The following BBX variants were observed in gnomAD, a reference collection of about 807,000 sequenced individuals.
BBX encodes the protein BBX high mobility group box domain containing, also known as HMG box transcription factor BBX.
A neutral mutation model predicts 100.2 loss-of-function variants in BBX; 30 were observed. That is an observed-to-expected ratio of 0.30 (90% CI 0.22 to 0.41). The LOEUF (loss-of-function observed/expected upper bound fraction) is 0.41, where lower values mean the gene tolerates loss of function less well. Among genes scored for constraint, BBX ranks in the 10% least tolerant of loss-of-function variants. The pLI is 1.00. For synonymous variants in BBX, 376 were observed against 388.1 expected (o/e 0.97, Z 0.37); for missense variants, 1,023 against 1,129.8 (o/e 0.91, Z 1.35).
At chr3:107,551,679 T>G (rs865828617) in intron 2 of BBX, among the ~76,000 whole-genome samples, 2 of 152,216 alleles carry the variant, frequency 1.3e-5, no homozygotes, top group Non-Finnish European at 2.9e-5. Context: ...GATGTGAGTA[T>G]CCTGTGCCAG....
intron 8 of BBX, among the ~76,000 whole-genome samples, chr3:107,747,759 C>T (rs1576617148): frequency 6.6e-6 from 1 of 151,772 alleles, no homozygotes. Flanking sequence ...GAGCCATACT[C>T]AGTCTTTGTT....
chr3:107,748,972 G>A (rs1309313004), intron 9 of BBX, among the ~76,000 whole-genome samples: 1 of 151,260 alleles, frequency 6.6e-6, no homozygotes, highest in Non-Finnish European at 1.5e-5. Context: ...TTGAAAATGA[G>A]AAAAAAATAC....
chr3:107,772,733 A>G lies in BBX; in HGVS notation c.1012A>G (p.Lys338Glu), dbSNP rs1359532627. The G allele has an allele frequency of 6.2e-7, 1 of 1,612,270 alleles. No individual in the cohort carries two copies. Among genetic ancestry groups the G allele is most frequent in the African/African-American group, 1.3e-5 (1 of 74,878 alleles). ...AGAATTAGAGAAGGGAAAGGAAGAA[A>G]AAGAAATTAAAATGGAGAAAACAGA... Reference protein sequence around the residue: ...IKELEKGKEEKEIKMEKTDET... With the variant: ...IKELEKGKEEEEIKMEKTDET... The change falls in exon 11 of 18, where the codon AAA becomes GAA. Residue 338 changes from lysine to glutamate, a missense_variant. Around this residue, in one of 9 missense-constraint regions of BBX, gnomAD observed 348 missense variants for 353.2 expected, o/e 0.99. Transcript: ENST00000325805.
chr3:107,583,110 A>C (rs1297863076), intron 2 of BBX, among the ~76,000 whole-genome samples: 1 of 151,918 alleles, frequency 6.6e-6, no homozygotes, highest in East Asian at 1.9e-4. Flanking sequence ...AAAAATCAAC[A>C]TATGAAGTTT....
chr3:107,801,115 C>A lies in BBX; in HGVS notation c.2572C>A (p.Leu858Met). The A allele has an allele frequency of 1.9e-6, 3 of 1,614,140 alleles. No homozygotes were observed. Among genetic ancestry groups the A allele is most frequent in the Non-Finnish European group, 2.5e-6 (3 of 1,179,986 alleles). Reference sequence around the variant, plus strand: ...TACAGATGACAAACCAAAGGAACAACTGCAGAGGAGTCTCCCTAAAGCAAC... The same window carrying A: ...TACAGATGACAAACCAAAGGAACAAATGCAGAGGAGTCTCCCTAAAGCAAC... Reference protein sequence around the residue: ...GTLDDKPKEQLQRSLPKATET... With the variant: ...GTLDDKPKEQMQRSLPKATET... The change falls in exon 17 of 18, where the codon CTG becomes ATG. Residue 858 changes from leucine to methionine, a missense_variant. Coordinates refer to ENST00000325805, the MANE Select transcript of BBX (RefSeq NM_001142568.3).
chr3:107,679,219 G>A (rs942250181), intron 3 of BBX, among the ~76,000 whole-genome samples: 2 of 151,116 alleles, frequency 1.3e-5, no homozygotes, highest in Admixed American at 6.6e-5. Flanking sequence ...ATATAAGATC[G>A]CAAGTTGTAA....
intron 2 of BBX, among the ~76,000 whole-genome samples, chr3:107,607,198 G>T (rs1436037437): frequency 6.6e-6 from 1 of 152,060 alleles, no homozygotes; most frequent in African/African-American, 2.4e-5. Context: ...CTGGGTTCAG[G>T]CAATTCTCCT....
rs1275576927 is a variant in BBX at position 107,805,269 on chromosome 3, C to G, written c.2739-101C>G. The G allele has an allele frequency of 2.4e-6, 3 of 1,250,190 alleles. No individual in the cohort carries two copies. In the African/African-American group the frequency reaches 4.5e-5, roughly 19 times the overall value. The allele number at this position is 1,250,190 out of a possible 1,614,324, so 77.4% of individuals were successfully genotyped here. On this transcript the variant is annotated intron_variant, in intron 17 of 17. Coordinates refer to ENST00000325805, the MANE Select transcript of BBX (RefSeq NM_001142568.3). ...TAAATGATGTAAGTAACAGCAGTAA[C>G]TGTTAAACAAGATATTGGAACACAC...
intron 3 of BBX, among the ~76,000 whole-genome samples, chr3:107,704,883 G>A (rs2061302224): frequency 1.3e-5 from 2 of 152,172 alleles, no homozygotes; most frequent in African/African-American, 4.8e-5. Context: ...TTGACTTAGG[G>A]CTTTCAGATA....
chr3:107,690,385 G>GT (rs1388874774), intron 3 of BBX, among the ~76,000 whole-genome samples: 6 of 152,108 alleles, frequency 3.9e-5, no homozygotes, highest in Non-Finnish European at 5.9e-5. Flanking sequence ...GAAAGGCTTG[G>GT]TTAGACACTT....
chr3:107,696,035 C>T (rs370769173), intron 3 of BBX, among the ~76,000 whole-genome samples: 3 of 151,360 alleles, frequency 2.0e-5, no homozygotes, highest in Non-Finnish European at 2.9e-5. Flanking sequence ...CTTTTTTTGT[C>T]TTCCATTGGC....
intron 2 of BBX, among the ~76,000 whole-genome samples, chr3:107,587,336 C>A (rs535464530): frequency 7.2e-6 from 1 of 138,610 alleles, no homozygotes; most frequent in African/African-American, 2.7e-5. Context: ...GACTGAGAGA[C>A]CCTGTCTCCA....
At chr3:107,550,909 T>C (rs1006625361) in intron 2 of BBX, among the ~76,000 whole-genome samples, 4 of 152,204 alleles carry the variant, frequency 2.6e-5, no homozygotes, top group East Asian at 3.8e-4. Flanking sequence ...CTAAAGTAAG[T>C]ACTTCAACTG....
chr3:107,712,320 C>T (rs2061776798), intron 4 of BBX, among the ~76,000 whole-genome samples: 1 of 152,190 alleles, frequency 6.6e-6, no homozygotes, highest in Admixed American at 6.5e-5. Context: ...CTTCTGAACT[C>T]TGGACTCATA....
intron 2 of BBX, among the ~76,000 whole-genome samples, chr3:107,629,492 C>G (rs1285401653): frequency 1.3e-5 from 2 of 152,228 alleles, no homozygotes; most frequent in South Asian, 2.1e-4. Flanking sequence ...ACTGGGCAGC[C>G]TCACAGAGGA....
At chr3:107,652,506 A>G (rs1438685541) in intron 3 of BBX, among the ~76,000 whole-genome samples, 1 of 152,194 alleles carries the variant, frequency 6.6e-6, no homozygotes, top group African/African-American at 2.4e-5. Flanking sequence ...TATTTATGAA[A>G]TGACTCAAAC....
At chr3:107,680,526 A>G (rs1689662816) in intron 3 of BBX, among the ~76,000 whole-genome samples, 1 of 152,150 alleles carries the variant, frequency 6.6e-6, no homozygotes, top group Non-Finnish European at 1.5e-5. Context: ...CCCATACCTG[A>G]CAGTATGGCT....
At chr3:107,726,561 A>T (rs1010210605) in intron 5 of BBX, among the ~76,000 whole-genome samples, 11 of 152,016 alleles carry the variant, frequency 7.2e-5, no homozygotes, top group Non-Finnish European at 2.9e-5. Flanking sequence ...GTTGACCCTC[A>T]TAGTAAATTC....
At chr3:107,651,105 T>A (rs928074238) in intron 3 of BBX, among the ~76,000 whole-genome samples, 3 of 152,182 alleles carry the variant, frequency 2.0e-5, no homozygotes, top group African/African-American at 7.2e-5. Flanking sequence ...CCCTGTCCCA[T>A]CACATTGGGG....
Sources: gnomAD v4.1 joint callset for allele counts (sites outside exome capture counted in the v4.1 genomes callset) on GRCh38, gnomAD v4.1.1 for gene constraint, gnomAD v4.1.1 regional missense constraint, MANE v1.5 for transcripts, NCBI Gene and HGNC (gene_info 2026-07-23, HGNC 2026-07-21) for gene names.